LRRC7: variants seen among roughly 807,000 people sequenced by gnomAD.
LRRC7 encodes the protein leucine rich repeat containing 7, also known as leucine-rich repeat-containing protein 7.
Under a neutral mutation model 175.7 loss-of-function variants are expected in LRRC7, and 23 were observed. The ratio of observed to expected loss-of-function variants is 0.13; its 90% CI spans 0.09 to 0.19. The LOEUF (loss-of-function observed/expected upper bound fraction) is 0.19, where lower values mean the gene tolerates loss of function less well. Among genes scored for constraint, LRRC7 ranks in the 10% least tolerant of loss-of-function variants. LRRC7 has a pLI of 1.00. For missense variants in LRRC7, 1,354 were observed against 1,904.7 expected (o/e 0.71, Z 5.38); for synonymous variants, 685 against 680.9 (o/e 1.01, Z -0.09).
chr1:69,766,912 C>A (rs1018540496), intron 3 of LRRC7, among the ~76,000 whole-genome samples: 2 of 152,110 alleles, frequency 1.3e-5, no homozygotes, highest in African/African-American at 4.8e-5. Flanking sequence ...AATTTACATT[C>A]CATCAAATTC....
rs546279639 is a variant in LRRC7 at position 69,801,364 on chromosome 1, A to C, written c.421+9204A>C. 1.9e-4 allele frequency among the ~76,000 whole-genome samples: 29 copies of C among 151,476 alleles called. No individual in the cohort carries two copies. In the South Asian group the frequency reaches 6.0e-3, roughly 32 times the overall value. ...TGGTCCTGGGATTTTATTTTTGGGG[A>C]GATGCCTTATTACTGATTCTATCTC... On this transcript the variant is annotated intron_variant, in intron 4 of 26. Coordinates refer to ENST00000651989, the MANE Select transcript of LRRC7 (RefSeq NM_001370785.2).
rs1338221392 is a variant in LRRC7, at chr1:70,099,020, A to G, written c.4546-8732A>G. Among the ~76,000 whole-genome samples, 4 of 152,028 alleles carry G rather than the reference A, an allele frequency of 2.6e-5. No homozygotes were observed. The East Asian group carries it at 7.7e-4, about 29-fold the overall frequency. ...AAAGCCAGGCAGAGACACAACCACA[A>G]AAGAGAATTTTAGACCAATATCCTT... On this transcript the variant is annotated intron_variant, in intron 25 of 26. Coordinates refer to ENST00000651989, the MANE Select transcript of LRRC7 (RefSeq NM_001370785.2).
At chr1:69,731,313 C>T (rs1667557395) in intron 2 of LRRC7, among the ~76,000 whole-genome samples, 1 of 151,928 alleles carries the variant, frequency 6.6e-6, no homozygotes, top group South Asian at 2.1e-4. Flanking sequence ...AACCATGAGA[C>T]CTCATGAGAA....
chr1:70,035,639 A>G (rs1380027263), intron 18 of LRRC7, among the ~76,000 whole-genome samples: 1 of 151,910 alleles, frequency 6.6e-6, no homozygotes, highest in East Asian at 1.9e-4. Flanking sequence ...AAAAAAAAAA[A>G]AAAAAAAATC....
intron 3 of LRRC7, among the ~76,000 whole-genome samples, chr1:69,775,477 T>A (rs932628388): frequency 1.2e-4 from 19 of 152,196 alleles, no homozygotes; most frequent in Admixed American, 1.2e-3. Flanking sequence ...AGAACCACTT[T>A]GAGATCCAAT....
chr1:69,809,425 G>A (rs1228374279), intron 4 of LRRC7, among the ~76,000 whole-genome samples: 1 of 152,120 alleles, frequency 6.6e-6, no homozygotes, highest in Non-Finnish European at 1.5e-5. Context: ...CTCATTTTAT[G>A]AAGCCAGCAT....
In LRRC7 at chr1:70,038,575, G is replaced by A; in HGVS notation, c.2751G>A (p.Lys917=). ...SPLPERKEHI[K]ESTEIPSPFS... ...TGCCTGAAAGGAAAGAACATATAAA[G>A]GAATCTACTGAAATACCTAGTCCTT... Residue 917 remains lysine (K), a synonymous_variant, in exon 21 of 27, where the codon AAG becomes AAA. Coordinates refer to ENST00000651989, the MANE Select transcript of LRRC7 (RefSeq NM_001370785.2). The A allele has an allele frequency of 6.2e-7, 1 of 1,614,054 alleles. No individual in the cohort carries two copies. Among genetic ancestry groups the A allele is most frequent in the Non-Finnish European group, 8.5e-7 (1 of 1,179,984 alleles).
intron 3 of LRRC7, among the ~76,000 whole-genome samples, chr1:69,767,784 A>G (rs1671785707): frequency 6.6e-6 from 1 of 152,152 alleles, no homozygotes; most frequent in Non-Finnish European, 1.5e-5. Flanking sequence ...TGTTTTAATT[A>G]GGCACTGGTT....
intron 17 of LRRC7, among the ~76,000 whole-genome samples, chr1:70,025,918 A>C (rs1658052593): frequency 6.6e-6 from 1 of 152,030 alleles, no homozygotes. Context: ...AGAGGTGTGT[A>C]GCTTAAGCTT....
chr1:69,623,549 CTT>C (rs35199111), intron 1 of LRRC7, among the ~76,000 whole-genome samples: 16,779 of 136,528 alleles, frequency 0.12, 1,102 homozygotes, highest in South Asian at 0.18. Context: ...AAAAGACATA[CTT>C]TTTTTTTTTT....
At chr1:69,780,513 G>C (rs909307259) in intron 3 of LRRC7, among the ~76,000 whole-genome samples, 2 of 152,028 alleles carry the variant, frequency 1.3e-5, no homozygotes, top group African/African-American at 4.8e-5. Flanking sequence ...GAAAAGGAGA[G>C]ATAAAGGGAG....
At chr1:70,028,464 G>C in intron 18 of LRRC7, 93 bp downstream of exon 18, 1 of 1,091,422 alleles carries the variant, frequency 9.2e-7, no homozygotes, top group Non-Finnish European at 1.3e-6. Flanking sequence ...CTTGATAAGT[G>C]CATTTTTTTC....
rs1220420087 is a variant in LRRC7 at position 70,023,255 on chromosome 1, C to G, written c.1675C>G (p.Gln559Glu). The change falls in exon 17 of 27, where the codon CAG becomes GAG. Residue 559 changes from glutamine to glutamate, a missense_variant. By Grantham distance (29) the Gln-to-Glu change is conservative. Around this residue, in one of 4 missense-constraint regions of LRRC7, gnomAD observed 1,032 missense variants for 1,227.2 expected, o/e 0.84. Transcript: ENST00000651989. ...DQQIQDMPVP[Q>E]NDPQLAWGCI... is the part of the protein sequence containing the mutation. ...GCAGATCCAAGATATGCCCGTCCCC[C>G]AGAATGACCCACAGCTGGCATGGGG... 1.9e-6 allele frequency: 3 copies of G among 1,613,226 alleles called. No homozygotes were observed. The highest frequency in any genetic ancestry group is 2.5e-6 in the Non-Finnish European group (3 of 1,179,588).
intron 26 of LRRC7, 41 bp from the exon 27 acceptor site, chr1:70,121,739 T>G: frequency 1.6e-6 from 2 of 1,268,408 alleles, no homozygotes; most frequent in South Asian, 1.2e-5. Context: ...ACAGTGATAA[T>G]AGTTTACATT....
chr1:69,700,190 G>A (rs1197151846), intron 2 of LRRC7, among the ~76,000 whole-genome samples: 2 of 152,152 alleles, frequency 1.3e-5, no homozygotes, highest in Non-Finnish European at 2.9e-5. Context: ...TTAGGTTGTA[G>A]ATCCTGAAGC....
At chr1:69,586,145 AAATT>A in intron 1 of LRRC7, among the ~76,000 whole-genome samples, 1 of 152,162 alleles carries the variant, frequency 6.6e-6, no homozygotes, top group East Asian at 1.9e-4. Context: ...TACTGAAATA[AAATT>A]AATTTAAATT....
At chr1:69,734,415 C>T (rs1017176015) in intron 2 of LRRC7, among the ~76,000 whole-genome samples, 12 of 151,772 alleles carry the variant, frequency 7.9e-5, no homozygotes. Flanking sequence ...AATTATAATA[C>T]AGTATGTGAG....
At position 69,574,214 on chromosome 1, in the gene LRRC7, G is replaced by T. The variant is rs117790527; in HGVS notation, c.2+5573G>T. Among the ~76,000 whole-genome samples the T allele has an allele frequency of 6.5e-3, 981 of 152,070 alleles. 28 individuals carry two copies. In the East Asian group the frequency reaches 0.067, roughly 10 times the overall value. On this transcript the variant is annotated intron_variant, in intron 1 of 26. Coordinates refer to ENST00000651989, the MANE Select transcript of LRRC7 (RefSeq NM_001370785.2). ...CTATTGATTTCAATTATAGAAAAGA[G>T]GTAGCTGACCTTAAAACAAAACAAT... is the stretch of plus-strand genomic sequence containing the variant.
intron 7 of LRRC7, among the ~76,000 whole-genome samples, chr1:69,911,184 C>T (rs547567071): frequency 2.6e-4 from 39 of 151,692 alleles, no homozygotes; most frequent in African/African-American, 4.1e-4. Flanking sequence ...CTTCGGCTCG[C>T]GCACGGTGCA....
Sources: allele counts gnomAD v4.1 joint callset (sites outside exome capture counted in the v4.1 genomes callset), GRCh38; gene constraint gnomAD v4.1.1; regional missense constraint gnomAD v4.1.1; transcripts MANE v1.5; gene names NCBI Gene and HGNC (gene_info 2026-07-23, HGNC 2026-07-21).